Variants in LRRC37A2 observed in about 807,000 individuals in gnomAD.
LRRC37A2 encodes leucine rich repeat containing 37 member A2, also known as leucine-rich repeat-containing protein 37A2.
Under a neutral mutation model 68.8 loss-of-function variants are expected in LRRC37A2, and 9 were observed. The observed-to-expected ratio is 0.13, with a 90% CI of 0.08 to 0.23. LRRC37A2 has a LOEUF of 0.23. Among genes scored for constraint, LRRC37A2 ranks in the 10% least tolerant of loss-of-function variants. The pLI, the probability that LRRC37A2 is intolerant of heterozygous loss-of-function variation, is 1.00. For missense variants in LRRC37A2, 168 were observed against 950.4 expected (o/e 0.18, Z 10.82); for synonymous variants, 63 against 367.6 (o/e 0.17, Z 9.48).
the LRRC37A2 span, among the ~76,000 whole-genome samples, chr17:46,820,392 G>T: frequency 6.6e-6 from 1 of 152,054 alleles, no homozygotes; most frequent in Non-Finnish European, 1.5e-5. Flanking sequence ...GAGAGAGAGA[G>T]GGGCTCAGAG....
At chr17:46,903,462 C>T in the LRRC37A2 span, among the ~76,000 whole-genome samples, 1 of 151,934 alleles carries the variant, frequency 6.6e-6, no homozygotes, top group Non-Finnish European at 1.5e-5. Flanking sequence ...GCCTTTGGGC[C>T]CCTGAATTGA....
At chr17:46,416,952 G>T in the LRRC37A2 span, among the ~76,000 whole-genome samples, 213 of 89,372 alleles carry the variant, frequency 2.4e-3, no homozygotes, top group Middle Eastern at 0.025. Context: ...GCAAAAATTC[G>T]CTGGGCATGG....
chr17:46,794,199 T>C, the LRRC37A2 span, among the ~76,000 whole-genome samples: 2 of 151,972 alleles, frequency 1.3e-5, no homozygotes, highest in African/African-American at 4.8e-5. Context: ...CAGGGGACTG[T>C]GCCCTGAGAG....
chr17:46,875,024 G>A, the LRRC37A2 span: 3 of 1,609,714 alleles, frequency 1.9e-6, no homozygotes, highest in South Asian at 3.3e-5. Flanking sequence ...TCAGAGGGCG[G>A]CAGGCAACCT....
chr17:46,931,113 A>T, the LRRC37A2 span: 6 of 1,595,236 alleles, frequency 3.8e-6, no homozygotes. Context: ...AGAAAACGAA[A>T]TCCAAGCAAG....
At chr17:46,739,483 G>A in the LRRC37A2 span, among the ~76,000 whole-genome samples, 1 of 151,212 alleles carries the variant, frequency 6.6e-6, no homozygotes, top group Admixed American at 6.6e-5. Flanking sequence ...AGGCTGCAGT[G>A]AGTGGAGATC....
At chr17:46,771,562 TCCGGCGGGGC>T in the LRRC37A2 span, among the ~76,000 whole-genome samples, 1 of 147,974 alleles carries the variant, frequency 6.8e-6, no homozygotes, top group African/African-American at 2.5e-5. Context: ...GCCTTCCCCG[TCCGGCGGGGC>T]CCGCTGGGCC....
the LRRC37A2 span, among the ~76,000 whole-genome samples, chr17:46,951,506 G>C: frequency 6.6e-6 from 1 of 152,190 alleles, no homozygotes; most frequent in Non-Finnish European, 1.5e-5. Flanking sequence ...CTCCTGGGAG[G>C]TGCCTTTTAA....
At chr17:46,773,666 A>T in the LRRC37A2 span, 1 of 1,182,424 alleles carries the variant, frequency 8.5e-7, no homozygotes. Context: ...CCAAGGCAGT[A>T]CCTTTGTCGA....
the LRRC37A2 span, chr17:46,818,442 C>A: frequency 6.8e-7 from 1 of 1,465,826 alleles, no homozygotes; most frequent in Non-Finnish European, 9.3e-7. Context: ...CAGCGGCCCA[C>A]CCCCAGCCGG....
the LRRC37A2 span, among the ~76,000 whole-genome samples, chr17:46,774,704 C>G: frequency 6.6e-6 from 1 of 152,222 alleles, no homozygotes; most frequent in African/African-American, 2.4e-5. Context: ...TCAACTCTCT[C>G]AGGTTTTATA....
At chr17:46,931,302 C>T in the LRRC37A2 span, 13 of 750,824 alleles carry the variant, frequency 1.7e-5, no homozygotes, top group Non-Finnish European at 2.7e-5. Flanking sequence ...TGAAAACCAA[C>T]GTACATGTTG....
the LRRC37A2 span, among the ~76,000 whole-genome samples, chr17:46,837,938 C>G: frequency 6.6e-6 from 1 of 152,166 alleles, no homozygotes; most frequent in African/African-American, 2.4e-5. Flanking sequence ...CTTTCTAAAT[C>G]ACTCAGAGGG....
At chr17:46,880,114 G>A in the LRRC37A2 span, among the ~76,000 whole-genome samples, 3 of 152,240 alleles carry the variant, frequency 2.0e-5, no homozygotes, top group African/African-American at 7.2e-5. Flanking sequence ...CAGGCAGCTA[G>A]AGTGAGGGAG....
chr17:47,000,076 A>AAATAAAATAAAATAAAATAT, the LRRC37A2 span, among the ~76,000 whole-genome samples: 4 of 25,536 alleles, frequency 1.6e-4, no homozygotes, highest in East Asian at 2.4e-3. Flanking sequence ...AAATAAAATA[A>AAATAAAATAAAATAAAATAT]AAAATAAAAT....
chr17:46,857,715 C>T, the LRRC37A2 span, among the ~76,000 whole-genome samples: 1 of 152,160 alleles, frequency 6.6e-6, no homozygotes, highest in African/African-American at 2.4e-5. Flanking sequence ...GTTCCAGTTG[C>T]TCCATATTCT....
the LRRC37A2 span, chr17:46,769,846 C>T: frequency 6.2e-7 from 1 of 1,613,428 alleles, no homozygotes; most frequent in Non-Finnish European, 8.5e-7. Context: ...TGTTCTCGCG[C>T]GCATCCGCGA....
chr17:46,966,715 A>T, the LRRC37A2 span: 1 of 480,372 alleles, frequency 2.1e-6, no homozygotes, highest in Non-Finnish European at 3.7e-6. Context: ...CTGTGATTTC[A>T]GATCAGTGAC....
chr17:46,458,186 T>A, the LRRC37A2 span, among the ~76,000 whole-genome samples: 7 of 93,890 alleles, frequency 7.5e-5, no homozygotes, highest in East Asian at 1.6e-3. Context: ...ATAAAACTTT[T>A]AAAAGTTCTG....
Sources: allele counts gnomAD v4.1 joint callset (sites outside exome capture counted in the v4.1 genomes callset), GRCh38; gene constraint gnomAD v4.1.1; transcripts MANE v1.5; gene names NCBI Gene and HGNC (gene_info 2026-07-23, HGNC 2026-07-21).